RRP12: variants seen among roughly 807,000 people sequenced by gnomAD.
RRP12 encodes ribosomal RNA processing 12 homolog, also known as RRP12-like protein.
A neutral mutation model predicts 157.3 loss-of-function variants in RRP12; 78 were observed. The observed-to-expected ratio is 0.50, with a 90% CI of 0.41 to 0.60. RRP12 has a LOEUF of 0.60. Ranked by LOEUF, RRP12 falls within the 20% of genes least tolerant of loss-of-function variation. RRP12 has a pLI of 0.00. For synonymous variants in RRP12, 726 were observed against 670.9 expected, an observed-to-expected ratio of 1.08 and a Z score of -1.27; for missense variants, 1,521 against 1,679.9, an observed-to-expected ratio of 0.91 and a Z score of 1.65.
chr10:97,376,103 AAAAC>A (rs111643590), intron 15 of RRP12, among the ~76,000 whole-genome samples: 49,886 of 150,636 alleles, frequency 0.33, 8,614 homozygotes, highest in African/African-American at 0.44. Context: ...ACTCTGTCTC[AAAAC>A]AAACAAACAA....
At chr10:97,380,615 T>G (rs1396006472) in intron 13 of RRP12, among the ~76,000 whole-genome samples, 184 bp downstream of exon 13, 1 of 152,170 alleles carries the variant, frequency 6.6e-6, no homozygotes, top group African/African-American at 2.4e-5. Context: ...CCACCCTTTT[T>G]CCTGCCCCTC....
At chr10:97,362,398 A>T (rs901307017) in intron 30 of RRP12, among the ~76,000 whole-genome samples, 3 of 152,238 alleles carry the variant, frequency 2.0e-5, no homozygotes, top group Non-Finnish European at 4.4e-5. Context: ...GATTTCCAGG[A>T]AAAGTGAATA....
intron 11 of RRP12, 89 bp from the exon 12 acceptor site, chr10:97,381,572 A>C: frequency 7.9e-7 from 1 of 1,268,912 alleles, no homozygotes; most frequent in Non-Finnish European, 1.1e-6. Context: ...TGGGAGTCTA[A>C]GAAAGCTTCG....
At chr10:97,364,586 G>A (rs576186046) in intron 29 of RRP12, among the ~76,000 whole-genome samples, 3 of 152,298 alleles carry the variant, frequency 2.0e-5, no homozygotes, top group African/African-American at 7.2e-5. Flanking sequence ...GCATGGTGGC[G>A]CACGCCTGTA....
Position 97,380,861 on chromosome 10 carries a change from A to G in RRP12, c.1471T>C (p.Leu491=), listed in dbSNP as rs1844446550. 6.2e-7 allele frequency: 1 copy of G among 1,614,176 alleles called. No individual in the cohort carries two copies. Among genetic ancestry groups the G allele is most frequent in the Non-Finnish European group, 8.5e-7 (1 of 1,180,010 alleles). The change falls in exon 13 of 34, where the codon TTG becomes CTG. Residue 491 remains leucine, a synonymous_variant. Coordinates refer to ENST00000370992, the MANE Select transcript of RRP12 (RefSeq NM_015179.4). Reference sequence around the variant, plus strand: ...TCGAAGAAGACACACAGCAGCTGCAACACGGAGCTCCAGGCCGCATGGAAT... The same window carrying G: ...TCGAAGAAGACACACAGCAGCTGCAGCACGGAGCTCCAGGCCGCATGGAAT... ...YKFHAAWSSV[L]QLLCVFFEAC...
intron 27 of RRP12, 45 bp from the exon 28 acceptor site, chr10:97,366,666 G>A: frequency 7.5e-6 from 12 of 1,598,746 alleles, no homozygotes; most frequent in Non-Finnish European, 1.0e-5. Context: ...AGGAGAGGCG[G>A]GGGTCAGCGG....
chr10:97,381,842 G>A lies in RRP12; in HGVS notation c.1209-16C>T. The A allele has an allele frequency of 1.3e-6, 2 of 1,598,296 alleles. No homozygotes were observed. Among genetic ancestry groups the A allele is most frequent in the Non-Finnish European group, 8.6e-7 (1 of 1,166,272 alleles). Reference sequence around the variant, plus strand: ...CCACTGCAACCTGTCAAGACAAAAGGTTTCTGTGGGGCCTGGCCTGAGCCC... The same window carrying A: ...CCACTGCAACCTGTCAAGACAAAAGATTTCTGTGGGGCCTGGCCTGAGCCC... On this transcript the variant is annotated splice_polypyrimidine_tract_variant and intron_variant, in intron 10 of 33. Transcript: ENST00000370992.
rs41300219 is a variant in RRP12, at chr10:97,390,480, G to A, written c.696C>T (p.Pro232=). The change falls in exon 6 of 34, where the codon CCC becomes CCT. Residue 232 remains proline, a synonymous_variant. Coordinates refer to ENST00000370992, the MANE Select transcript of RRP12 (RefSeq NM_015179.4). ...GCCCATGGTACACCTGAAGGGTCAC[G>A]GGGTAGCCCCAGGCCTCCAGGTCTT... ...RKQDLEAWGY[P]VTLQVYHGLL... 0.057 allele frequency: 91,635 copies of A among 1,613,912 alleles called. 2,936 individuals are homozygous for A. Among genetic ancestry groups the A allele is most frequent in the Non-Finnish European group, 0.064 (75,028 of 1,179,850 alleles).
At chr10:97,362,535 G>C (rs1408134644) in intron 30 of RRP12, among the ~76,000 whole-genome samples, 2 of 152,130 alleles carry the variant, frequency 1.3e-5, no homozygotes, top group African/African-American at 4.8e-5. Context: ...CCTGGAGAGG[G>C]AGACTAGACT....
intron 4 of RRP12, among the ~76,000 whole-genome samples, chr10:97,391,756 C>A (rs1330292550): frequency 6.6e-6 from 1 of 151,980 alleles, no homozygotes; most frequent in Admixed American, 6.6e-5. Context: ...CCGGTCTCTA[C>A]TAAAAATACA....
chr10:97,379,104 C>G (rs1469249344), intron 15 of RRP12, among the ~76,000 whole-genome samples, 189 bp downstream of exon 15: 2 of 152,194 alleles, frequency 1.3e-5, no homozygotes, highest in Non-Finnish European at 2.9e-5. Flanking sequence ...GGCCACCTGG[C>G]CTCGCCTTGG....
rs1394094578 is a variant in RRP12, at chr10:97,371,093, G to A, written c.2344-12C>T. ...CCGTGGGCCTTGCTCTGGCAGACAG[G>A]AACCGGTGAGGGAGGCCTGGGGCTC... On this transcript the variant is annotated splice_polypyrimidine_tract_variant and intron_variant, in intron 20 of 33. Transcript: ENST00000370992. 6 of 1,612,290 alleles carry A rather than the reference G, an allele frequency of 3.7e-6. No individual in the cohort carries two copies. The East Asian group carries it at 1.1e-4, about 30-fold the overall frequency.
rs765903427 is a variant in RRP12 at position 97,363,833 on chromosome 10, C to A, written c.3567+21G>T. ...GGCTTAGGTCTGAAGCCCTAGCCCCCCATCTGCAGGAACTACTCACATTCC... is the reference window on the plus strand; with the variant it reads ...GGCTTAGGTCTGAAGCCCTAGCCCCACATCTGCAGGAACTACTCACATTCC... On this transcript the variant is annotated intron_variant, in intron 30 of 33. Coordinates refer to ENST00000370992, the MANE Select transcript of RRP12 (RefSeq NM_015179.4). The A allele has an allele frequency of 1.9e-6, 3 of 1,609,522 alleles. 1 individual carries two copies. The highest frequency in any genetic ancestry group is 2.2e-5 in the South Asian group (2 of 90,994).
Position 97,370,177 on chromosome 10 carries a change from GA to G in RRP12, c.2786del (p.Phe929SerfsTer6). 1 of 1,600,106 alleles carries G rather than the reference GA, an allele frequency of 6.2e-7. No homozygotes were observed. Among genetic ancestry groups the G allele is most frequent in the Non-Finnish European group, 8.5e-7 (1 of 1,173,350 alleles). On this transcript the variant is annotated frameshift_variant, in exon 24 of 34. Transcript: ENST00000370992. LOFTEE classifies it high-confidence loss of function. ...CSILALTHLL[F>X]EFKGLMGTST... is the part of the protein sequence containing the mutation. ...GAAATAAGCATTTACCTTTAAACTC[GA>G]AAAGGAGGTGGGTCAGGGCCAGGAT... is the stretch of plus-strand genomic sequence containing the variant.
chr10:97,370,352 T>G (rs1439199118), intron 23 of RRP12, 78 bp from the exon 24 acceptor site: 18 of 1,371,072 alleles, frequency 1.3e-5, no homozygotes, highest in Non-Finnish European at 4.1e-6. Flanking sequence ...AGGAGCAGCC[T>G]GCCCAGGGCC....
chr10:97,393,529 T>C (rs1355170608), intron 4 of RRP12, 155 bp downstream of exon 4: 2 of 704,368 alleles, frequency 2.8e-6, no homozygotes, highest in Non-Finnish European at 5.1e-6. Context: ...TACGACGGTA[T>C]GTCACATGCT....
upstream of RRP12, chr10:97,401,355 A>G: frequency 1.6e-6 from 2 of 1,224,580 alleles, no homozygotes; most frequent in East Asian, 2.4e-5. Flanking sequence ...TCACTTCCGG[A>G]TTCGTGTGCA....
rs1844472572 is a variant in RRP12, at chr10:97,381,707, T to C, written c.1320+8A>G. ...TGCTCTCTGCTTCCTCAGCTAAAGTTGCAGTACCTTGAGGCTCTGCGTAGC... is the reference window on the plus strand; with the variant it reads ...TGCTCTCTGCTTCCTCAGCTAAAGTCGCAGTACCTTGAGGCTCTGCGTAGC... On this transcript the variant is annotated splice_region_variant and intron_variant, in intron 11 of 33. Coordinates refer to ENST00000370992, the MANE Select transcript of RRP12 (RefSeq NM_015179.4). 19 of 1,604,108 alleles carry C rather than the reference T, an allele frequency of 1.2e-5. No individual in the cohort carries two copies. In the Admixed American group the frequency reaches 1.3e-4, roughly 11 times the overall value.
At chr10:97,378,701 A>T (rs1227706270) in intron 15 of RRP12, among the ~76,000 whole-genome samples, 1 of 152,094 alleles carries the variant, frequency 6.6e-6, no homozygotes, top group African/African-American at 2.4e-5. Flanking sequence ...TACTAAAAAT[A>T]CAAAAATTAG....
Sources: allele counts gnomAD v4.1 joint callset (sites outside exome capture counted in the v4.1 genomes callset), GRCh38; gene constraint gnomAD v4.1.1; transcripts MANE v1.5; gene names NCBI Gene and HGNC (gene_info 2026-07-23, HGNC 2026-07-21).